Variants in COMMD4 observed in about 807,000 individuals in gnomAD.
COMMD4 encodes COMM domain containing 4.
Under a neutral mutation model 27.5 loss-of-function variants are expected in COMMD4, and 18 were observed. The observed-to-expected ratio is 0.65, with a 90% CI of 0.45 to 0.97. COMMD4 has a LOEUF of 0.97. Ranked by LOEUF, COMMD4 falls within the 50% of genes least tolerant of loss-of-function variation. COMMD4 has a pLI of 0.00. For synonymous variants in COMMD4, 108 were observed against 108.4 expected, an observed-to-expected ratio of 1.00 and a Z score of 0.02; for missense variants, 243 against 250.0, an observed-to-expected ratio of 0.97 and a Z score of 0.19.
chr15:75,338,660 G>C lies in COMMD4; in HGVS notation c.156G>C (p.Leu52=). 6.2e-7 allele frequency: 1 copy of C among 1,613,988 alleles called. No homozygotes were observed. The highest frequency in any genetic ancestry group is 8.5e-7 in the Non-Finnish European group (1 of 1,179,948). The change falls in exon 4 of 8, where the codon CTG becomes CTC. Residue 52 remains leucine, a synonymous_variant. Coordinates refer to ENST00000267935, the MANE Select transcript of COMMD4 (RefSeq NM_017828.5). Reference sequence around the variant, plus strand: ...TTTCCCCATAGTATGAGAAGATCCTGAAGCTCACGGCTGACGCCAAGTTTG... The same window carrying C: ...TTTCCCCATAGTATGAGAAGATCCTCAAGCTCACGGCTGACGCCAAGTTTG... ...LGQGIDYEKI[L]KLTADAKFES...
rs1268949947 is a variant in COMMD4 at position 75,338,070 on chromosome 15, G to A, written c.12G>A (p.Arg4=). 5 of 1,606,980 alleles carry A rather than the reference G, an allele frequency of 3.1e-6. No homozygotes were observed. Among genetic ancestry groups the A allele is most frequent in the Admixed American group, 1.7e-5 (1 of 59,228 alleles). Residue 4 remains arginine (R), a synonymous_variant, in exon 2 of 8, where the codon CGG becomes CGA. Transcript: ENST00000267935. MRF[R]FCGDLDCPDW... The stretch of plus-strand genomic sequence containing the variant: ...GCCTCCCTCCCTTGCAGAGGTTCCG[G>A]TTCTGTGGTGATCTGGACTGTCCCG...
At chr15:75,336,280 C>G (rs1488913443) in intron 1 of COMMD4, 188 bp downstream of exon 1, 1 of 1,489,166 alleles carries the variant, frequency 6.7e-7, no homozygotes, top group Non-Finnish European at 9.0e-7. Context: ...GGCGGGGGTA[C>G]GGGGCGGGTA....
At chr15:75,336,301 G>C in intron 1 of COMMD4, 2 of 1,438,944 alleles carry the variant, frequency 1.4e-6, no homozygotes, top group Admixed American at 5.6e-5. Flanking sequence ...AGACAGAGCA[G>C]GCCGGCCGGC....
chr15:75,336,078 C>G lies in COMMD4; in HGVS notation c.-12C>G. The G allele has an allele frequency of 6.5e-7, 1 of 1,549,764 alleles. No individual in the cohort carries two copies. Among genetic ancestry groups the G allele is most frequent in the Non-Finnish European group, 8.7e-7 (1 of 1,146,826 alleles). ...GGAAAAAGAAATTCCCGGGCCCTGG[C>G]TTCTTGGCGCGATGGTGAGGCACTA... On this transcript the variant is annotated 5_prime_UTR_variant, in exon 1 of 8. Coordinates refer to ENST00000267935, the MANE Select transcript of COMMD4 (RefSeq NM_017828.5).
chr15:75,338,775 A>G, intron 4 of COMMD4, 90 bp downstream of exon 4: 6 of 1,475,064 alleles, frequency 4.1e-6, no homozygotes, highest in Non-Finnish European at 4.7e-6. Context: ...CCCTCCCAGC[A>G]GCATCCTTAA....
intron 3 of COMMD4, 49 bp downstream of exon 3, chr15:75,338,469 A>G (rs894956625): frequency 1.9e-6 from 3 of 1,603,564 alleles, no homozygotes; most frequent in Non-Finnish European, 2.6e-6. Context: ...TATGACCACC[A>G]CTGCCCTGAA....
intron 3 of COMMD4, 59 bp from the exon 4 acceptor site, chr15:75,338,587 G>A (rs1257407435): frequency 6.2e-7 from 1 of 1,602,788 alleles, no homozygotes; most frequent in Non-Finnish European, 8.5e-7. Flanking sequence ...ATCCAGGCTG[G>A]GGGTGAGGGG....
Position 75,338,410 on chromosome 15 carries a change from A to T in COMMD4, c.131A>T (p.Gln44Leu). The stretch of plus-strand genomic sequence containing the variant: ...CAGGTACTAAAGGAGCTGCTGGGAC[A>T]GGGGATTGATGTGAGTACAAGATCC... ...CSQVLKELLG[Q>L]GIDYEKILKL... The change falls in exon 3 of 8, where the codon CAG (glutamine) becomes CTG (leucine). Residue 44 changes from glutamine (Q) to leucine (L), a missense_variant. Physicochemically the swap from Gln to Leu is moderately radical, Grantham distance 113. Transcript: ENST00000267935. 1 of 1,603,268 alleles carries T rather than the reference A, an allele frequency of 6.2e-7. No homozygotes were observed. The highest frequency in any genetic ancestry group is 8.5e-7 in the Non-Finnish European group (1 of 1,175,460).
In COMMD4 at chr15:75,340,009, G is replaced by A; in HGVS notation, c.*4G>A. 1.9e-6 allele frequency: 3 copies of A among 1,614,018 alleles called. No individual in the cohort carries two copies. Among genetic ancestry groups the A allele is most frequent in the Non-Finnish European group, 2.5e-6 (3 of 1,179,936 alleles). On this transcript the variant is annotated 3_prime_UTR_variant, in exon 8 of 8. Coordinates refer to ENST00000267935, the MANE Select transcript of COMMD4 (RefSeq NM_017828.5). ...CCTGATGAGCTCCCTGGGCTGAGGA[G>A]AAGGGTGTTCCAGGCCTGTGTGGAG...
chr15:75,336,071 G>T lies in COMMD4; in HGVS notation c.-19G>T, dbSNP rs186098733. The T allele has an allele frequency of 1.3e-6, 2 of 1,549,702 alleles. No homozygotes were observed. Among genetic ancestry groups the T allele is most frequent in the Non-Finnish European group, 1.7e-6 (2 of 1,146,812 alleles). Reference sequence around the variant, plus strand: ...CGGGACCGGAAAAAGAAATTCCCGGGCCCTGGCTTCTTGGCGCGATGGTGA... The same window carrying T: ...CGGGACCGGAAAAAGAAATTCCCGGTCCCTGGCTTCTTGGCGCGATGGTGA... On this transcript the variant is annotated 5_prime_UTR_variant, in exon 1 of 8. Coordinates refer to ENST00000267935, the MANE Select transcript of COMMD4 (RefSeq NM_017828.5).
rs561208870 is a variant in COMMD4, at chr15:75,338,287, C to T, written c.76-68C>T. 445 of 1,464,442 alleles carry T rather than the reference C, an allele frequency of 3.0e-4. 9 individuals are homozygous for T. In the South Asian group the frequency reaches 5.2e-3, roughly 17 times the overall value. 90.7% of individuals were successfully genotyped at this position (1,464,442 alleles called of 1,614,324 possible). On this transcript the variant is annotated intron_variant, in intron 2 of 7. Coordinates refer to ENST00000267935, the MANE Select transcript of COMMD4 (RefSeq NM_017828.5). ...GACCTTGATCAGTGGCTGGCCTGCT[C>T]TGAGCCAGTCCCCAGGAAGGAGGGG...
chr15:75,339,569 G>C, intron 6 of COMMD4, 133 bp from the exon 7 acceptor site: 4 of 1,173,704 alleles, frequency 3.4e-6, no homozygotes, highest in Non-Finnish European at 4.8e-6. Context: ...CCTGTTCTGA[G>C]CCTGGGTCAG....
At chr15:75,338,478 A>G (rs2071305292) in intron 3 of COMMD4, 58 bp downstream of exon 3, 2 of 1,600,508 alleles carry the variant, frequency 1.2e-6, no homozygotes, top group Non-Finnish European at 1.7e-6. Context: ...CACTGCCCTG[A>G]AACTCTGCAC....
At chr15:75,338,927 A>C in intron 4 of COMMD4, 58 bp from the exon 5 acceptor site, 1 of 1,613,492 alleles carries the variant, frequency 6.2e-7, no homozygotes, top group Non-Finnish European at 8.5e-7. Context: ...TTAATAGGGC[A>C]ACAGGGAGGT....
chr15:75,338,141 G>A lies in COMMD4; in HGVS notation c.75+8G>A, dbSNP rs1424337285. On this transcript the variant is annotated splice_region_variant and intron_variant, in intron 2 of 7. Transcript: ENST00000267935. ...AGCACGCTGGCCAAGATGGTTGAGT[G>A]CACAGGGTCTAGTCTGGGTGGAGGA... is the stretch of plus-strand genomic sequence containing the variant. 3 of 1,597,670 alleles carry A rather than the reference G, an allele frequency of 1.9e-6. No individual in the cohort carries two copies. Among genetic ancestry groups the A allele is most frequent in the Non-Finnish European group, 2.6e-6 (3 of 1,171,920 alleles).
rs751805173 is a variant in COMMD4 at position 75,340,018 on chromosome 15, T to C, written c.*13T>C. 3 of 1,613,868 alleles carry C rather than the reference T, an allele frequency of 1.9e-6. No homozygotes were observed. Among genetic ancestry groups the C allele is most frequent in the Non-Finnish European group, 1.7e-6 (2 of 1,179,882 alleles). ...CTCCCTGGGCTGAGGAGAAGGGTGT[T>C]CCAGGCCTGTGTGGAGCCGCCCTGC... On this transcript the variant is annotated 3_prime_UTR_variant, in exon 8 of 8. Transcript: ENST00000267935.
rs139615169 is a variant in COMMD4, at chr15:75,339,040, G to T, written c.237G>T (p.Ala79=). 5 of 1,613,760 alleles carry T rather than the reference G, an allele frequency of 3.1e-6. No individual in the cohort carries two copies. Among genetic ancestry groups the T allele is most frequent in the East Asian group, 4.5e-5 (2 of 44,902 alleles). Residue 79 remains alanine (A), a synonymous_variant, in exon 5 of 8, where the codon GCG becomes GCT. Coordinates refer to ENST00000267935, the MANE Select transcript of COMMD4 (RefSeq NM_017828.5). ...TGCTGAGTTTCATCCTCTCCAGTGC[G>T]GCCAAGCACAGTGTCGATGGCGAAT... The part of the protein sequence containing the change: ...VAVLSFILSS[A]AKHSVDGESL...
downstream of COMMD4, chr15:75,341,840 T>A (rs1340202583): frequency 6.7e-6 from 1 of 149,714 alleles, no homozygotes; most frequent in African/African-American, 2.5e-5. Flanking sequence ...CTTTGGGAGG[T>A]GGGACAATTG....
Position 75,338,673 on chromosome 15 carries a change from G to A in COMMD4, c.169G>A (p.Asp57Asn). 1 of 1,613,904 alleles carries A rather than the reference G, an allele frequency of 6.2e-7. No individual in the cohort carries two copies. Among genetic ancestry groups the A allele is most frequent in the Non-Finnish European group, 8.5e-7 (1 of 1,179,926 alleles). ...DYEKILKLTA[D>N]AKFESGDVKA... is the part of the protein sequence containing the mutation. ...TGAGAAGATCCTGAAGCTCACGGCT[G>A]ACGCCAAGTTTGGTGAGTATCCCGC... is the stretch of plus-strand genomic sequence containing the variant. Residue 57 changes from aspartate (D) to asparagine (N), a missense_variant, in exon 4 of 8, where the codon GAC (aspartate) becomes AAC (asparagine). By Grantham distance (23) the Asp-to-Asn change is conservative. Coordinates refer to ENST00000267935, the MANE Select transcript of COMMD4 (RefSeq NM_017828.5).
Sources: allele counts gnomAD v4.1 joint callset, GRCh38; gene constraint gnomAD v4.1.1; transcripts MANE v1.5; gene names NCBI Gene and HGNC (gene_info 2026-07-23, HGNC 2026-07-21).